The following SP140 variants were observed in gnomAD, a reference collection of about 807,000 sequenced individuals.
SP140 encodes SP140 nuclear body protein.
In SP140, 81 loss-of-function variants were observed where a neutral mutation model predicts 125.0. The ratio of observed to expected loss-of-function variants is 0.65; its 90% CI spans 0.54 to 0.78. SP140 has a LOEUF of 0.78. Ranked by LOEUF, SP140 falls within the 30% of genes least tolerant of loss-of-function variation. The probability of loss-of-function intolerance (pLI) is 0.00; values close to 1 mark genes in which losing one functional copy is unlikely to be tolerated. For synonymous variants in SP140, 312 were observed against 354.0 expected (o/e 0.88, Z 1.33); for missense variants, 858 against 1,037.0 (o/e 0.83, Z 2.37).
At chr2:230,201,011 G>T, upstream of SP140, 6 of 1,452,538 alleles carry the variant, frequency 4.1e-6, no homozygotes, top group Non-Finnish European at 5.8e-6. Flanking sequence ...GAAACACCAT[G>T]GAGAATCTCC....
chr2:230,286,467 T>G (rs867566223), intron 17 of SP140, among the ~76,000 whole-genome samples: 5 of 152,168 alleles, frequency 3.3e-5, no homozygotes, highest in South Asian at 2.1e-4. Flanking sequence ...GTGAGAGAGA[T>G]GGGTGAGATC....
intron 15 of SP140, among the ~76,000 whole-genome samples, chr2:230,279,511 C>G (rs996531489): frequency 5.9e-5 from 9 of 152,254 alleles, no homozygotes; most frequent in Admixed American, 5.2e-4. Flanking sequence ...AATAAACACT[C>G]ATGCATGTAT....
intron 14 of SP140, 146 bp downstream of exon 14, chr2:230,270,099 A>C (rs568870612): frequency 9.5e-6 from 6 of 629,568 alleles, no homozygotes; most frequent in Non-Finnish European, 1.7e-5. Context: ...GCAGGGAGGC[A>C]AGAGATCGTT....
chr2:230,287,894 A>G lies in SP140; in HGVS notation c.1648A>G (p.Arg550Gly). 6.2e-7 allele frequency: 1 copy of G among 1,610,902 alleles called. No individual in the cohort carries two copies. The highest frequency in any genetic ancestry group is 8.5e-7 in the Non-Finnish European group (1 of 1,179,000). Residue 550 changes from arginine to glycine, a missense_variant and splice_region_variant, in exon 18 of 27, where the codon AGA (arginine) becomes GGA (glycine). By Grantham distance (125) the Arg-to-Gly change is moderately radical. Coordinates refer to ENST00000392045, the MANE Select transcript of SP140 (RefSeq NM_007237.5). ...NLKDLSKIRG[R>G]KRGKPGTRFT... ...ATTATATTATTCTACTTTCTCAGGG[A>G]GAAAGAGAGGCAAACCTGGAACCCG...
intron 12 of SP140, among the ~76,000 whole-genome samples, chr2:230,267,289 G>A (rs909152958): frequency 2.0e-5 from 3 of 152,144 alleles, no homozygotes; most frequent in Non-Finnish European, 2.9e-5. Flanking sequence ...TATACTAATG[G>A]TCAGGTCAAC....
At chr2:230,239,237 G>A in intron 3 of SP140, 1 of 251,714 alleles carries the variant, frequency 4.0e-6, no homozygotes. Context: ...GTATCCATGA[G>A]GGATTGGTTT....
chr2:230,310,534 C>T, intron 23 of SP140: 1 of 1,185,268 alleles, frequency 8.4e-7, no homozygotes, highest in Non-Finnish European at 1.2e-6. Flanking sequence ...CCACCTTCCT[C>T]AGACTTCCTG....
chr2:230,206,595 T>TTATATATA (rs56817002), intron 1 of SP140, among the ~76,000 whole-genome samples: 874 of 70,190 alleles, frequency 0.012, 39 homozygotes, highest in African/African-American at 0.016. Context: ...GGTCCAGATT[T>TTATATATA]TATATATATA....
chr2:230,285,196 A>G (rs2149442625), intron 16 of SP140, among the ~76,000 whole-genome samples: 1 of 152,284 alleles, frequency 6.6e-6, no homozygotes, highest in South Asian at 2.1e-4. Context: ...CTTTATAATC[A>G]GGCCCCTGAA....
At chr2:230,212,157 C>T (rs1420237258) in intron 1 of SP140, among the ~76,000 whole-genome samples, 1 of 152,180 alleles carries the variant, frequency 6.6e-6, no homozygotes, top group East Asian at 1.9e-4. Context: ...CTTGTCAATT[C>T]AGAATGGTGT....
chr2:230,220,103 A>G (rs2045675415), intron 3 of SP140: 2 of 984,550 alleles, frequency 2.0e-6, no homozygotes, highest in Admixed American at 6.2e-5. Context: ...CCACCTCCTC[A>G]TGGGCACTTG....
At chr2:230,277,946 G>A (rs1326268907) in intron 15 of SP140, among the ~76,000 whole-genome samples, 2 of 152,032 alleles carry the variant, frequency 1.3e-5, no homozygotes, top group Admixed American at 1.3e-4. Flanking sequence ...ATGAACATGT[G>A]GATGCAGATA....
upstream of SP140, among the ~76,000 whole-genome samples, chr2:230,223,528 C>T (rs1315951441): frequency 1.3e-5 from 2 of 151,442 alleles, no homozygotes; most frequent in East Asian, 3.8e-4. Context: ...TAGCCAGAGT[C>T]AGTTTGGATT....
intron 3 of SP140, 24 bp downstream of exon 3, chr2:230,238,405 T>C: frequency 1.9e-6 from 3 of 1,589,798 alleles, no homozygotes; most frequent in Non-Finnish European, 2.6e-6. Flanking sequence ...TCAACAGCTT[T>C]GGGGGATTCA....
At chr2:230,221,917 A>G (rs1009031198), upstream of SP140, 3 of 610,180 alleles carry the variant, frequency 4.9e-6, no homozygotes, top group Admixed American at 2.6e-5. Context: ...AGGATGAAAG[A>G]TGTTTATTCT....
chr2:230,277,628 A>G (rs1235901089), intron 15 of SP140, among the ~76,000 whole-genome samples: 1 of 152,250 alleles, frequency 6.6e-6, no homozygotes, highest in South Asian at 2.1e-4. Context: ...TCCAGGTTTT[A>G]TGTAAAATTT....
At chr2:230,229,140 A>T (rs1300611681) in intron 1 of SP140, among the ~76,000 whole-genome samples, 2 of 151,986 alleles carry the variant, frequency 1.3e-5, no homozygotes, top group Admixed American at 1.3e-4. Context: ...ATATCACTTC[A>T]TGAGTAGAGA....
chr2:230,208,183 G>T, intron 1 of SP140: 1 of 659,596 alleles, frequency 1.5e-6, no homozygotes. Flanking sequence ...GGTGACCTTA[G>T]GTGATGGTAC....
In SP140 at chr2:230,243,796, C is replaced by T. The variant is rs1559239342; in HGVS notation, c.556C>T (p.Pro186Ser). 6.2e-7 allele frequency: 1 copy of T among 1,612,114 alleles called. No individual in the cohort carries two copies. Among genetic ancestry groups the T allele is most frequent in the South Asian group, 1.1e-5 (1 of 91,032 alleles). ...AVPQEALSSSPRCEPGFSSES... is the reference protein window; with the variant it reads ...AVPQEALSSSSRCEPGFSSES... The stretch of plus-strand genomic sequence containing the variant: ...GCCTCAGGAAGCCTTGAGCTCCTCG[C>T]CAAGGTGTGAGCCAGGTAAGGAAGG... Residue 186 changes from proline (P) to serine (S), a missense_variant, in exon 5 of 27, where the codon CCA becomes TCA. Transcript: ENST00000392045.
Sources: gnomAD v4.1 joint callset for allele counts (sites outside exome capture counted in the v4.1 genomes callset) on GRCh38, gnomAD v4.1.1 for gene constraint, MANE v1.5 for transcripts, NCBI Gene and HGNC (gene_info 2026-07-23, HGNC 2026-07-21) for gene names.